The following SLC14A2 variants were observed in gnomAD, a reference collection of about 807,000 sequenced individuals.
SLC14A2 encodes urea transporter 2.
Under a neutral mutation model 104.6 loss-of-function variants are expected in SLC14A2, and 91 were observed. The observed-to-expected ratio is 0.87, with a 90% CI of 0.73 to 1.04. The LOEUF (loss-of-function observed/expected upper bound fraction) is 1.04. Among genes scored for constraint, SLC14A2 ranks in the 50% least tolerant of loss-of-function variants. The pLI, the probability that SLC14A2 is intolerant of heterozygous loss-of-function variation, is 0.00. For synonymous variants in SLC14A2, 476 were observed against 466.4 expected (o/e 1.02, Z -0.27); for missense variants, 1,189 against 1,156.0 (o/e 1.03, Z -0.41).
At chr18:45,457,874 G>A (rs566121245) in intron 1 of SLC14A2, among the ~76,000 whole-genome samples, 2 of 152,226 alleles carry the variant, frequency 1.3e-5, no homozygotes, top group South Asian at 4.2e-4. Context: ...CCCGGGGCTG[G>A]GGCGGTGGGA....
At chr18:45,573,125 A>G (rs1273373870) in intron 2 of SLC14A2, among the ~76,000 whole-genome samples, 2 of 152,238 alleles carry the variant, frequency 1.3e-5, no homozygotes, top group African/African-American at 4.8e-5. Flanking sequence ...CTGCCAGCTC[A>G]GTGTTCTTTC....
intron 1 of SLC14A2, among the ~76,000 whole-genome samples, chr18:45,435,908 T>C (rs1598810344): frequency 6.6e-6 from 1 of 152,144 alleles, no homozygotes; most frequent in Non-Finnish European, 1.5e-5. Flanking sequence ...CATGGATAAA[T>C]ATAAATTCCT....
At chr18:45,172,532 C>T in the SLC14A2 span, among the ~76,000 whole-genome samples, 2 of 152,090 alleles carry the variant, frequency 1.3e-5, no homozygotes, top group African/African-American at 2.4e-5. Context: ...ACTCAATTCA[C>T]TCATTTATTT....
At chr18:45,659,961 CAAAAA>C (rs11456560) in intron 10 of SLC14A2, among the ~76,000 whole-genome samples, 1 of 104,808 alleles carries the variant, frequency 9.5e-6, no homozygotes, top group Admixed American at 1.0e-4. Flanking sequence ...ACTGGCTCTA[CAAAAA>C]AAAAAAAAAA....
chr18:45,437,494 TC>T (rs887560557), intron 1 of SLC14A2, among the ~76,000 whole-genome samples: 42 of 152,244 alleles, frequency 2.8e-4, no homozygotes, highest in African/African-American at 9.9e-4. Context: ...GAGCCCCACC[TC>T]CTTCAAGCCT....
chr18:45,458,184 C>T (rs2086979264), intron 1 of SLC14A2, among the ~76,000 whole-genome samples: 1 of 152,168 alleles, frequency 6.6e-6, no homozygotes, highest in Non-Finnish European at 1.5e-5. Flanking sequence ...TCTGCAGCCC[C>T]TAGAGTGGAG....
chr18:45,194,876 C>CCT, the SLC14A2 span, among the ~76,000 whole-genome samples: 1 of 151,958 alleles, frequency 6.6e-6, no homozygotes, highest in African/African-American at 2.4e-5. Flanking sequence ...AATCTCCCGA[C>CCT]CTCGTGATCT....
intron 1 of SLC14A2, among the ~76,000 whole-genome samples, chr18:45,424,390 G>A (rs1166166787): frequency 1.3e-5 from 2 of 152,174 alleles, no homozygotes; most frequent in Non-Finnish European, 2.9e-5. Context: ...GGGAGATGGT[G>A]AGCAATGATT....
intron 10 of SLC14A2, among the ~76,000 whole-genome samples, chr18:45,663,509 G>A (rs185373292): frequency 6.6e-6 from 1 of 152,288 alleles, no homozygotes; most frequent in Admixed American, 6.5e-5. Context: ...GGGTCTTAGA[G>A]TGCTTCCTTG....
At chr18:45,469,459 ACAGT>A (rs1258149916) in intron 1 of SLC14A2, among the ~76,000 whole-genome samples, 1 of 152,220 alleles carries the variant, frequency 6.6e-6, no homozygotes, top group Non-Finnish European at 1.5e-5. Context: ...TACAGGGGTG[ACAGT>A]CAGGTGGTTA....
intron 2 of SLC14A2, among the ~76,000 whole-genome samples, chr18:45,554,643 G>T (rs889765279): frequency 3.3e-5 from 5 of 152,030 alleles, no homozygotes; most frequent in African/African-American, 1.2e-4. Context: ...GGAACCTTGT[G>T]CTGGGAAGGA....
chr18:45,247,553 G>A lies in SLC14A2; in HGVS notation c.-125+34362G>A, dbSNP rs967599838. On this transcript the variant is annotated intron_variant, in intron 1 of 20. Coordinates refer to the SLC14A2 transcript ENST00000586448. ...TAAACATATATAACTCTGTCTATTC[G>A]TTCTTCTAGAAATACAGTACTCCCC... Among the ~76,000 whole-genome samples, 4 of 152,010 alleles carry A rather than the reference G, an allele frequency of 2.6e-5. No individual in the cohort carries two copies. In the South Asian group the frequency reaches 6.2e-4, roughly 24 times the overall value.
intron 1 of SLC14A2, among the ~76,000 whole-genome samples, chr18:45,321,801 G>T (rs138779345): frequency 2.8e-3 from 421 of 152,334 alleles, no homozygotes; most frequent in African/African-American, 9.7e-3. Context: ...CTGCTGCAAA[G>T]AGCAGAGGGA....
intron 2 of SLC14A2, among the ~76,000 whole-genome samples, chr18:45,558,185 TCTC>T (rs1341714438): frequency 6.6e-6 from 1 of 152,130 alleles, no homozygotes; most frequent in Non-Finnish European, 1.5e-5. Context: ...TACCTTTCTC[TCTC>T]CTTTGTCCTT....
intron 1 of SLC14A2, among the ~76,000 whole-genome samples, chr18:45,333,472 A>C (rs2085309202): frequency 6.6e-6 from 1 of 152,202 alleles, no homozygotes; most frequent in Non-Finnish European, 1.5e-5. Context: ...AATGCCCTTT[A>C]ATTTGTATTG....
the SLC14A2 span, among the ~76,000 whole-genome samples, chr18:45,170,554 T>C: frequency 6.6e-6 from 1 of 152,226 alleles, no homozygotes; most frequent in East Asian, 1.9e-4. Context: ...TGGTTCAGTG[T>C]CCTGCAAGAC....
At chr18:45,213,343 G>A (rs1348450682) in intron 1 of SLC14A2, among the ~76,000 whole-genome samples, 1 of 151,872 alleles carries the variant, frequency 6.6e-6, no homozygotes, top group African/African-American at 2.4e-5. Flanking sequence ...CTTTCAATGA[G>A]AATATTGACC....
chr18:45,527,589 T>C (rs771516872), intron 2 of SLC14A2, among the ~76,000 whole-genome samples: 2 of 152,214 alleles, frequency 1.3e-5, no homozygotes, highest in Non-Finnish European at 2.9e-5. Flanking sequence ...TTCTACAGAC[T>C]CATGATATGG....
intron 1 of SLC14A2, among the ~76,000 whole-genome samples, chr18:45,324,896 G>C (rs2085219455): frequency 6.6e-6 from 1 of 152,082 alleles, no homozygotes; most frequent in Non-Finnish European, 1.5e-5. Flanking sequence ...TTACTAAACT[G>C]TTTGGCACAT....
Sources: allele counts gnomAD v4.1 joint callset (sites outside exome capture counted in the v4.1 genomes callset), GRCh38; gene constraint gnomAD v4.1.1; transcripts MANE v1.5; gene names NCBI Gene and HGNC (gene_info 2026-07-23, HGNC 2026-07-21).